Variants in TICRR observed in about 807,000 individuals in gnomAD.
The protein encoded by TICRR is TOPBP1 interacting checkpoint and replication regulator, also known as treslin.
TICRR carries 132 observed loss-of-function variants against 178.1 expected under a neutral mutation model. That is an observed-to-expected ratio of 0.74 (90% CI 0.64 to 0.86). TICRR has a LOEUF of 0.86. Among genes scored for constraint, TICRR ranks in the 40% least tolerant of loss-of-function variants. TICRR has a pLI of 0.00. For missense variants in TICRR, 2,587 were observed against 2,334.3 expected (o/e 1.11, Z -2.23); for synonymous variants, 991 against 900.7 (o/e 1.10, Z -1.79).
chr15:89,618,460 A>G (rs1355852740), intron 17 of TICRR, among the ~76,000 whole-genome samples: 1 of 152,272 alleles, frequency 6.6e-6, no homozygotes, highest in African/African-American at 2.4e-5. Flanking sequence ...ACTGTGTTAT[A>G]CAAAGTGCTA....
chr15:89,585,827 T>G lies in TICRR; in HGVS notation c.1296T>G (p.His432Gln). The change falls in exon 4 of 22, where the codon CAT becomes CAG. Residue 432 changes from histidine to glutamine, a missense_variant. Physicochemically the swap from His to Gln is conservative, Grantham distance 24. Transcript: ENST00000268138. ...CCAAGGAGGCTGAATTTCAACGACA[T>G]GTTCTCCAAACAGCTGTGGCTGACA... ...CRTKEAEFQR[H>Q]VLQTAVADSP... The G allele has an allele frequency of 1.7e-5, 28 of 1,614,140 alleles. No individual in the cohort carries two copies. The highest frequency in any genetic ancestry group is 2.3e-5 in the Non-Finnish European group (27 of 1,180,016).
Position 89,575,734 on chromosome 15 carries a change from T to G in TICRR, c.148T>G (p.Phe50Val). 6.2e-7 allele frequency: 1 copy of G among 1,610,280 alleles called. No individual in the cohort carries two copies. The highest frequency in any genetic ancestry group is 8.5e-7 in the Non-Finnish European group (1 of 1,179,136). The change falls in exon 1 of 22, where the codon TTT becomes GTT. Residue 50 changes from phenylalanine to valine, a missense_variant. Transcript: ENST00000268138. ...CAGGGTCCACTGGGCCTTCAAGTTC[T>G]TTGACTCGCAGGGGGCGCGGAGCCG... ...LARVHWAFKFFDSQGARSRPS... is the reference protein window; with the variant it reads ...LARVHWAFKFVDSQGARSRPS...
rs1350572913 is a variant in TICRR, at chr15:89,608,768, G to A, written c.2723-35G>A. 4 of 1,543,598 alleles carry A rather than the reference G, an allele frequency of 2.6e-6. No individual in the cohort carries two copies. The East Asian group carries it at 9.5e-5, about 37-fold the overall frequency. On this transcript the variant is annotated intron_variant, in intron 14 of 21. Coordinates refer to ENST00000268138, the MANE Select transcript of TICRR (RefSeq NM_152259.4). Reference sequence around the variant, plus strand: ...GGCATTTATTGATGATAATCTTTGGGTTTTTCTTTTTCTTTTAATTTTTGA... The same window carrying A: ...GGCATTTATTGATGATAATCTTTGGATTTTTCTTTTTCTTTTAATTTTTGA...
intron 1 of TICRR, 132 bp from the exon 2 acceptor site, chr15:89,582,554 C>T (rs1459362838): frequency 1.5e-5 from 12 of 812,834 alleles, no homozygotes; most frequent in Middle Eastern, 3.1e-4. Context: ...CTATTTAGCT[C>T]AGCAAATACA....
At position 89,624,872 on chromosome 15, in the gene TICRR, C is replaced by A; in HGVS notation, c.4562C>A (p.Pro1521His). 1 of 1,614,008 alleles carries A rather than the reference C, an allele frequency of 6.2e-7. No individual in the cohort carries two copies. The highest frequency in any genetic ancestry group is 8.5e-7 in the Non-Finnish European group (1 of 1,179,882). ...PSCGPGSPLMPSRDVHCTTDG... is the reference protein window; with the variant it reads ...PSCGPGSPLMHSRDVHCTTDG... The stretch of plus-strand genomic sequence containing the variant: ...TGTGGGCCTGGCTCTCCTCTGATGC[C>A]TTCCCGTGACGTGCACTGTACCACA... The change falls in exon 20 of 22, where the codon CCT becomes CAT. Residue 1521 changes from proline (P) to histidine (H), a missense_variant. Transcript: ENST00000268138.
At chr15:89,582,406 AT>A (rs1416699384) in intron 1 of TICRR, 1 of 355,604 alleles carries the variant, frequency 2.8e-6, no homozygotes, top group African/African-American at 2.1e-5. Context: ...ATACCCAGTG[AT>A]TTGTGTCACT....
Position 89,623,620 on chromosome 15 carries a change from C to T in TICRR, c.3313-3C>T, listed in dbSNP as rs1309613530. Reference sequence around the variant, plus strand: ...GGACTGAAATAAGCATTTCTCTTTTCAGACTCCCAAGAAGAGTCACCAGAA... The same window carrying T: ...GGACTGAAATAAGCATTTCTCTTTTTAGACTCCCAAGAAGAGTCACCAGAA... On this transcript the variant is annotated splice_polypyrimidine_tract_variant and splice_region_variant and intron_variant, in intron 19 of 21. Transcript: ENST00000268138. 3 of 1,594,038 alleles carry T rather than the reference C, an allele frequency of 1.9e-6. No individual in the cohort carries two copies. In the African/African-American group the frequency reaches 4.1e-5, roughly 22 times the overall value.
At chr15:89,581,631 G>T (rs1962727026) in intron 1 of TICRR, among the ~76,000 whole-genome samples, 1 of 152,204 alleles carries the variant, frequency 6.6e-6, no homozygotes, top group Non-Finnish European at 1.5e-5. Context: ...GGTTCAATAT[G>T]CCTAGAAGGA....
rs563774329 is a variant in TICRR, at chr15:89,592,825, A to G, written c.1541+649A>G. 1.6e-4 allele frequency among the ~76,000 whole-genome samples: 25 copies of G among 152,328 alleles called. No homozygotes were observed. The South Asian group carries it at 5.0e-3, about 30-fold the overall frequency. On this transcript the variant is annotated intron_variant, in intron 5 of 21. Coordinates refer to ENST00000268138, the MANE Select transcript of TICRR (RefSeq NM_152259.4). ...TATGGTTGACGTTTATTTTCTCCAC[A>G]CATATATCCATTCAGTTGTTCCAAC...
At chr15:89,578,765 CT>C (rs1962669920) in intron 1 of TICRR, among the ~76,000 whole-genome samples, 1 of 152,032 alleles carries the variant, frequency 6.6e-6, no homozygotes, top group African/African-American at 2.4e-5. Flanking sequence ...ATCTCTGAGG[CT>C]TCCCTTCTTA....
chr15:89,601,430 A>G, intron 10 of TICRR, 39 bp downstream of exon 10: 1 of 1,612,828 alleles, frequency 6.2e-7, no homozygotes, highest in Non-Finnish European at 8.5e-7. Flanking sequence ...TACGCCCTAG[A>G]TGCTTTCAGC....
rs760884613 is a variant in TICRR at position 89,624,959 on chromosome 15, CCA to C, written c.4652_4653del (p.Thr1551ArgfsTer9). 1.2e-5 allele frequency: 20 copies of C among 1,614,128 alleles called. No homozygotes were observed. The highest frequency in any genetic ancestry group is 4.5e-5 in the East Asian group (2 of 44,864). ...AACCTGCCAGCATCAGCTTGGCATT[CCA>C]CAGACTCTGCCAGCCCACAGACCTA... On this transcript the variant is annotated frameshift_variant, in exon 20 of 22. Transcript: ENST00000268138. LOFTEE classifies it high-confidence loss of function.
chr15:89,587,905 AAAT>A (rs1221698367), intron 4 of TICRR, among the ~76,000 whole-genome samples: 2 of 152,184 alleles, frequency 1.3e-5, no homozygotes, highest in African/African-American at 2.4e-5. Context: ...TGATTTTTAG[AAAT>A]AATAATAGCC....
chr15:89,624,388 ACT>A lies in TICRR; in HGVS notation c.4080_4081del (p.Pro1362Ter), dbSNP rs1228714958. ...AASLSCPVPSTPPELSQRATL... is the reference protein window; with the variant it reads ...AASLSCPVPSXPPELSQRATL... ...ATCTCTCTCCTGCCCTGTTCCCTCA[ACT>A]CCCCCTGAACTCTCACAGAGAGCTA... On this transcript the variant is annotated frameshift_variant, in exon 20 of 22. Coordinates refer to ENST00000268138, the MANE Select transcript of TICRR (RefSeq NM_152259.4). LOFTEE classifies it high-confidence loss of function. The A allele has an allele frequency of 6.2e-7, 1 of 1,613,886 alleles. No individual in the cohort carries two copies. The highest frequency in any genetic ancestry group is 8.5e-7 in the Non-Finnish European group (1 of 1,179,980).
chr15:89,603,670 A>AT (rs1438750159), intron 13 of TICRR, among the ~76,000 whole-genome samples: 1 of 152,202 alleles, frequency 6.6e-6, no homozygotes, highest in African/African-American at 2.4e-5. Flanking sequence ...GAGGTGGAGT[A>AT]GTCGCCCCTT....
intron 9 of TICRR, 78 bp downstream of exon 9, chr15:89,600,763 T>C (rs779997476): frequency 5.8e-5 from 39 of 674,188 alleles, no homozygotes; most frequent in Non-Finnish European, 8.3e-5. Flanking sequence ...AAATAGATTG[T>C]TCGTGACATG....
chr15:89,627,323 G>A lies in TICRR; in HGVS notation c.*237G>A. Reference sequence around the variant, plus strand: ...GCAATGTGATTGGTGCTATAACTCAGGCAGCCTGGGAGTCAGGAACCCAGA... The same window carrying A: ...GCAATGTGATTGGTGCTATAACTCAAGCAGCCTGGGAGTCAGGAACCCAGA... On this transcript the variant is annotated 3_prime_UTR_variant, in exon 22 of 22. Coordinates refer to ENST00000268138, the MANE Select transcript of TICRR (RefSeq NM_152259.4). The A allele has an allele frequency of 2.0e-6, 1 of 488,494 alleles. No homozygotes were observed. The allele number at this position is 488,494 out of a possible 1,614,324, so 30.3% of individuals were successfully genotyped here.
In TICRR at chr15:89,601,871, C is replaced by A; in HGVS notation, c.2462C>A (p.Pro821Gln). ...TCCATGACACAAGAGAACAAATCACCACTTCTTTCTGTGCCTTTTTTGTCA... is the reference window on the plus strand; with the variant it reads ...TCCATGACACAAGAGAACAAATCACAACTTCTTTCTGTGCCTTTTTTGTCA... ...DDSMTQENKS[P>Q]LLSVPFLSSA... is the part of the protein sequence containing the mutation. Residue 821 changes from proline (P) to glutamine (Q), a missense_variant, in exon 12 of 22, where the codon CCA becomes CAA. Transcript: ENST00000268138. The A allele has an allele frequency of 1.2e-6, 2 of 1,614,088 alleles. No individual in the cohort carries two copies. Among genetic ancestry groups the A allele is most frequent in the Non-Finnish European group, 1.7e-6 (2 of 1,180,006 alleles).
In TICRR at chr15:89,601,995, A is replaced by C; in HGVS notation, c.2567+19A>C. 6.2e-7 allele frequency: 1 copy of C among 1,613,238 alleles called. No individual in the cohort carries two copies. The highest frequency in any genetic ancestry group is 1.1e-5 in the South Asian group (1 of 91,058). On this transcript the variant is annotated intron_variant, in intron 12 of 21. Transcript: ENST00000268138. ...AGAGAAGGTAAGAGGTCAAAGAATC[A>C]AAGGAATTATTTGCACTGTTATAGT...
Sources: allele counts gnomAD v4.1 joint callset (sites outside exome capture counted in the v4.1 genomes callset), GRCh38; gene constraint gnomAD v4.1.1; transcripts MANE v1.5; gene names NCBI Gene and HGNC (gene_info 2026-07-23, HGNC 2026-07-21).